VWF: variants seen among roughly 807,000 people sequenced by gnomAD.
VWF encodes the protein von Willebrand factor, also known as Factor VIII related antigen.
A neutral mutation model predicts 308.6 loss-of-function variants in VWF; 176 were observed. The ratio of observed to expected loss-of-function variants is 0.57; its 90% CI spans 0.50 to 0.65. The LOEUF is 0.65. Among genes scored for constraint, VWF ranks in the 30% least tolerant of loss-of-function variants. The pLI is 0.00. For missense variants in VWF, 3,146 were observed against 3,648.2 expected, an observed-to-expected ratio of 0.86 and a Z score of 3.55; for synonymous variants, 1,385 against 1,443.4, an observed-to-expected ratio of 0.96 and a Z score of 0.92.
At chr12:5,963,455 T>C (rs1006808267) in intron 47 of VWF, among the ~76,000 whole-genome samples, 1 of 152,178 alleles carries the variant, frequency 6.6e-6, no homozygotes, top group Non-Finnish European at 1.5e-5. Flanking sequence ...CTAGAAGATA[T>C]CACTTCACAA....
chr12:6,046,610 G>T lies in VWF; in HGVS notation c.2281+113C>A. 9.2e-7 allele frequency: 1 copy of T among 1,085,804 alleles called. No individual in the cohort carries two copies. The highest frequency in any genetic ancestry group is 1.4e-6 in the Non-Finnish European group (1 of 709,172). The allele number at this position is 1,085,804 out of a possible 1,614,324, so 67.3% of individuals were successfully genotyped here. On this transcript the variant is annotated intron_variant, in intron 17 of 51. Coordinates refer to ENST00000261405, the MANE Select transcript of VWF (RefSeq NM_000552.5). This position sits in a 1 kb window ranked among gnomAD's most constrained non-coding sequence, Gnocchi z 5.0. ...CGATCCTGGGCGAAGCCAGACCCATGCCTGGGTGCACACGCACATCTGACG... is the reference window on the plus strand; with the variant it reads ...CGATCCTGGGCGAAGCCAGACCCATTCCTGGGTGCACACGCACATCTGACG...
At chr12:6,111,024 CATTG>C (rs1428384710) in intron 3 of VWF, 56 bp from the exon 4 acceptor site, 1 of 1,463,910 alleles carries the variant, frequency 6.8e-7, no homozygotes, top group Non-Finnish European at 9.6e-7. Context: ...AAAATGAATA[CATTG>C]ATTAAGAATC....
chr12:6,089,168 G>T (rs892814368), intron 6 of VWF, among the ~76,000 whole-genome samples: 1 of 152,142 alleles, frequency 6.6e-6, no homozygotes, highest in Non-Finnish European at 1.5e-5. Flanking sequence ...GGCCCTGCGG[G>T]ACTACACAGG....
chr12:6,049,333 G>A (rs988009170), intron 16 of VWF, among the ~76,000 whole-genome samples: 5 of 152,188 alleles, frequency 3.3e-5, no homozygotes, highest in African/African-American at 9.7e-5. Context: ...CAAGGAGGAC[G>A]CAGACATGGA....
chr12:5,953,790 A>C (rs987807036), intron 47 of VWF, 196 bp from the exon 48 acceptor site: 1 of 614,344 alleles, frequency 1.6e-6, no homozygotes. Flanking sequence ...CTGCATGTGC[A>C]CATCTCACTC....
chr12:6,006,683 G>C (rs1943931099), intron 34 of VWF, among the ~76,000 whole-genome samples: 1 of 152,122 alleles, frequency 6.6e-6, no homozygotes, highest in Non-Finnish European at 1.5e-5. Flanking sequence ...GGAGGCTGAG[G>C]GAGGAGAATC....
At chr12:5,972,666 C>G (rs144097844) in intron 43 of VWF, among the ~76,000 whole-genome samples, 182 of 152,304 alleles carry the variant, frequency 1.2e-3, no homozygotes, top group Non-Finnish European at 1.5e-3. Flanking sequence ...ACGAGACCTA[C>G]TGATATCACC....
chr12:6,097,440 C>G (rs1411507389), intron 5 of VWF, among the ~76,000 whole-genome samples: 1 of 151,890 alleles, frequency 6.6e-6, no homozygotes, highest in African/African-American at 2.4e-5. Context: ...CATCCCAAAA[C>G]AAAAGACAAA....
Position 5,982,312 on chromosome 12 carries a change from T to C in VWF, c.7082-321A>G, listed in dbSNP as rs145185176. The stretch of plus-strand genomic sequence containing the variant: ...CCTTCATTCTCAGAGGTGTCAGATG[T>C]AGAATCTCTAAGTCCAGTAGGTCTG... On this transcript the variant is annotated intron_variant, in intron 41 of 51. Transcript: ENST00000261405. Among the ~76,000 whole-genome samples the C allele has an allele frequency of 2.5e-3, 379 of 152,306 alleles. 1 individual carries two copies. Among genetic ancestry groups the C allele is most frequent in the Non-Finnish European group, 4.7e-3 (323 of 68,020 alleles).
intron 47 of VWF, among the ~76,000 whole-genome samples, chr12:5,958,175 AAAG>A (rs1209116438): frequency 2.0e-5 from 3 of 152,196 alleles, no homozygotes; most frequent in Non-Finnish European, 4.4e-5. Context: ...AACAAGTAAC[AAAG>A]AAGACAGCAG....
At chr12:6,097,678 C>T (rs572205033) in intron 5 of VWF, among the ~76,000 whole-genome samples, 6 of 152,238 alleles carry the variant, frequency 3.9e-5, no homozygotes, top group African/African-American at 1.4e-4. Context: ...CCTCCAGAAC[C>T]ATGAAAGAAT....
chr12:6,118,858 G>A (rs1945399063), intron 3 of VWF, among the ~76,000 whole-genome samples: 1 of 152,186 alleles, frequency 6.6e-6, no homozygotes, highest in South Asian at 2.1e-4. Flanking sequence ...GCTTCCCAGG[G>A]GCAGGGGTTC....
chr12:5,991,167 TCACACACACACACACA>T (rs201361783), intron 38 of VWF, among the ~76,000 whole-genome samples: 3 of 134,886 alleles, frequency 2.2e-5, no homozygotes, highest in African/African-American at 8.1e-5. Flanking sequence ...CAAGGGATTC[TCACACACACACACACA>T]CACACACACA....
intron 16 of VWF, among the ~76,000 whole-genome samples, chr12:6,051,979 C>T (rs1308585743): frequency 1.3e-5 from 2 of 152,156 alleles, no homozygotes; most frequent in Non-Finnish European, 2.9e-5. Context: ...TAAGTGTTTG[C>T]TCAACAAATG....
chr12:6,080,841 A>C (rs1402166387), intron 6 of VWF, among the ~76,000 whole-genome samples: 1 of 152,146 alleles, frequency 6.6e-6, no homozygotes, highest in African/African-American at 2.4e-5. Flanking sequence ...GCCTGCGCGA[A>C]GTTCTCATAG....
intron 41 of VWF, among the ~76,000 whole-genome samples, chr12:5,982,438 A>G (rs1258686283): frequency 6.6e-6 from 1 of 152,200 alleles, no homozygotes; most frequent in Non-Finnish European, 1.5e-5. Context: ...TAGGTCCGCC[A>G]GCAATCAGTG....
At chr12:5,993,826 G>C (rs763133987) in intron 37 of VWF, 36 bp downstream of exon 37, 1 of 1,600,102 alleles carries the variant, frequency 6.2e-7, no homozygotes, top group Non-Finnish European at 8.5e-7. Flanking sequence ...CAGTTAGCTG[G>C]TCTCCAGGAT....
chr12:5,970,744 T>C (rs1253430164), intron 44 of VWF, among the ~76,000 whole-genome samples: 1 of 152,140 alleles, frequency 6.6e-6, no homozygotes, highest in East Asian at 1.9e-4. Flanking sequence ...TAGCAGACCT[T>C]TGGCCTTCCT....
rs1393370856 is a variant in VWF at position 6,016,807 on chromosome 12, T to G, written c.5117A>C (p.Tyr1706Ser). 14 of 1,614,048 alleles carry G rather than the reference T, an allele frequency of 8.7e-6. No homozygotes were observed. In the South Asian group the frequency reaches 1.5e-4, roughly 18 times the overall value. The change falls in exon 29 of 52, where the codon TAT (tyrosine) becomes TCT (serine). Residue 1706 changes from tyrosine (Y) to serine (S), a missense_variant. Physicochemically the swap from Tyr to Ser is moderately radical, Grantham distance 144. Around this residue, in one of 3 missense-constraint regions of VWF, gnomAD observed 853 missense variants for 1,177.8 expected, o/e 0.72. Transcript: ENST00000261405. The stretch of plus-strand genomic sequence containing the variant: ...GGCGAAACTCTTCATTTCATCAAAA[T>G]AAGAAGCTGGGAAACTGGAGGAGCC... ...LDGSSSFPAS[Y>S]FDEMKSFAKA...
Sources: allele counts gnomAD v4.1 joint callset (sites outside exome capture counted in the v4.1 genomes callset), GRCh38; gene constraint gnomAD v4.1.1; regional missense constraint gnomAD v4.1.1; non-coding constraint Gnocchi (gnomAD v3.1); transcripts MANE v1.5; gene names NCBI Gene and HGNC (gene_info 2026-07-23, HGNC 2026-07-21).